The following GJA3 variants were observed in gnomAD, a reference collection of about 807,000 sequenced individuals.
GJA3 encodes the protein gap junction alpha-3 protein.
For synonymous variants in GJA3, 297 were observed against 292.6 expected, an observed-to-expected ratio of 1.02 and a Z score of -0.15; for missense variants, 571 against 620.3, an observed-to-expected ratio of 0.92 and a Z score of 0.84.
At chr13:20,152,058 A>C (rs57547952) in intron 1 of GJA3, among the ~76,000 whole-genome samples, 19,945 of 152,092 alleles carry the variant, frequency 0.13, 1,542 homozygotes, top group Admixed American at 0.22. Context: ...TGGGGAAGAA[A>C]ATGGCGATCA....
chr13:20,155,684 A>G (rs939497201), intron 1 of GJA3, among the ~76,000 whole-genome samples: 1 of 151,508 alleles, frequency 6.6e-6, no homozygotes, highest in Admixed American at 6.6e-5. Context: ...AGGTTATTTT[A>G]TTTTCTCCCT....
rs757596277 is a variant in GJA3, at chr13:20,142,086, C to G, written c.1203G>C (p.Ala401=). The G allele has an allele frequency of 6.5e-7, 1 of 1,549,268 alleles. No homozygotes were observed. Among genetic ancestry groups the G allele is most frequent in the African/African-American group, 1.4e-5 (1 of 73,140 alleles). The change falls in exon 2 of 2, where the codon GCG becomes GCC. Residue 401 remains alanine (A), a synonymous_variant. Transcript: ENST00000241125. ...GCAAGGGCGGCTGGTGCATCTGGGC[C>G]GCGGTGGTCACGGCCTGCTCCTCCT... ...PEEEEQAVTT[A]AQMHQPPLPL...
intron 1 of GJA3, among the ~76,000 whole-genome samples, chr13:20,158,912 C>CAAAAAAAA (rs1159654355): frequency 1.4e-3 from 75 of 54,930 alleles, no homozygotes; most frequent in African/African-American, 3.5e-3. Flanking sequence ...GCAAAACTCT[C>CAAAAAAAA]AAAAAAAAAA....
chr13:20,147,067 G>A (rs1007724656), intron 1 of GJA3, among the ~76,000 whole-genome samples: 11 of 152,262 alleles, frequency 7.2e-5, no homozygotes, highest in Non-Finnish European at 1.6e-4. Flanking sequence ...GCTGGGGAAT[G>A]TCTGGGAAAG....
At chr13:20,146,001 C>T (rs9509054) in intron 1 of GJA3, among the ~76,000 whole-genome samples, 39,887 of 152,094 alleles carry the variant, frequency 0.26, 5,451 homozygotes, top group Middle Eastern at 0.37. Context: ...GCTCTGAGGA[C>T]GGGGCAGGCA....
At chr13:20,146,075 T>C (rs1221327876) in intron 1 of GJA3, among the ~76,000 whole-genome samples, 1 of 152,208 alleles carries the variant, frequency 6.6e-6, no homozygotes, top group African/African-American at 2.4e-5. Context: ...TTCCAGAGGC[T>C]TCCGAGGAAA....
intron 1 of GJA3, among the ~76,000 whole-genome samples, chr13:20,149,449 C>G (rs567732517): frequency 2.0e-5 from 3 of 151,940 alleles, no homozygotes; most frequent in East Asian, 3.9e-4. Flanking sequence ...TGTGCCACTG[C>G]GTTCCAGTCT....
At chr13:20,145,722 C>T (rs1958838023) in intron 1 of GJA3, among the ~76,000 whole-genome samples, 1 of 152,226 alleles carries the variant, frequency 6.6e-6, no homozygotes, top group Non-Finnish European at 1.5e-5. Flanking sequence ...AGCCCCGCTC[C>T]GTCCGGCCAC....
intron 1 of GJA3, among the ~76,000 whole-genome samples, chr13:20,150,924 C>A (rs905873610): frequency 6.6e-6 from 1 of 152,222 alleles, no homozygotes; most frequent in African/African-American, 2.4e-5. Flanking sequence ...CCTCAAGTGT[C>A]CTGTCCTGGG....
intron 1 of GJA3, among the ~76,000 whole-genome samples, chr13:20,159,717 C>T (rs1208343419): frequency 6.6e-6 from 1 of 152,088 alleles, no homozygotes; most frequent in African/African-American, 2.4e-5. Context: ...AGAGTAGTAC[C>T]GTTTCGTGAA....
intron 1 of GJA3, among the ~76,000 whole-genome samples, chr13:20,150,970 C>T (rs1044000777): frequency 2.0e-5 from 3 of 152,162 alleles, no homozygotes; most frequent in African/African-American, 4.8e-5. Context: ...GTAGTGCCAT[C>T]GGCTTCCATC....
chr13:20,151,333 C>T (rs895945639), intron 1 of GJA3, among the ~76,000 whole-genome samples: 2 of 152,170 alleles, frequency 1.3e-5, no homozygotes, highest in African/African-American at 2.4e-5. Context: ...TGCCCCCCAA[C>T]CCCACAACCC....
chr13:20,153,692 T>G (rs1017963255), intron 1 of GJA3, among the ~76,000 whole-genome samples: 1 of 151,894 alleles, frequency 6.6e-6, no homozygotes, highest in Admixed American at 6.6e-5. Context: ...AAATGACAAG[T>G]TAACAGGTGC....
At chr13:20,161,166 C>A, upstream of GJA3, 1 of 153,330 alleles carries the variant, frequency 6.5e-6, no homozygotes, top group South Asian at 2.0e-4. Context: ...CCCCCGCATC[C>A]CTACCCTGTA....
Position 20,142,474 on chromosome 13 carries a change from T to C in GJA3, c.815A>G (p.Tyr272Cys), listed in dbSNP as rs1401479635. ...PAVAIGFPPY[Y>C]AHTAAPLGQA... is the part of the protein sequence containing the mutation. ...TCCCAGGGGCGCAGCGGTGTGCGCA[T>C]AGTAGGGTGGGAACCCGATGGCAAC... The change falls in exon 2 of 2, where the codon TAT (tyrosine) becomes TGT (cysteine). Residue 272 changes from tyrosine (Y) to cysteine (C), a missense_variant. Transcript: ENST00000241125. The C allele has an allele frequency of 3.9e-6, 6 of 1,545,682 alleles. No homozygotes were observed. The highest frequency in any genetic ancestry group is 4.4e-6 in the Non-Finnish European group (5 of 1,146,294).
At chr13:20,156,770 A>T (rs1482729359) in intron 1 of GJA3, among the ~76,000 whole-genome samples, 1 of 152,246 alleles carries the variant, frequency 6.6e-6, no homozygotes, top group Non-Finnish European at 1.5e-5. Flanking sequence ...TCCCTCTAGA[A>T]ATCAGCACTA....
Position 20,138,787 on chromosome 13 carries a change from A to T in GJA3, c.*3194T>A, listed in dbSNP as rs1175842990. The T allele has an allele frequency of 6.6e-6, 1 of 152,228 alleles. No homozygotes were observed. Among genetic ancestry groups the T allele is most frequent in the Non-Finnish European group, 1.5e-5 (1 of 68,046 alleles). The allele number at this position is 152,228 out of a possible 1,614,324, so 9.4% of individuals were successfully genotyped here. A position where few individuals can be genotyped will look rare whatever the true frequency, so the allele number is the denominator to read the frequency against. On this transcript the variant is annotated 3_prime_UTR_variant, in exon 2 of 2. Coordinates refer to ENST00000241125, the MANE Select transcript of GJA3 (RefSeq NM_021954.4). Reference sequence around the variant, plus strand: ...TTCATGAATTAGTGTTACAAATATCAGAAGTTCAAAAAATTCAGAAAAAAG... The same window carrying T: ...TTCATGAATTAGTGTTACAAATATCTGAAGTTCAAAAAATTCAGAAAAAAG...
intron 1 of GJA3, among the ~76,000 whole-genome samples, chr13:20,148,898 A>G (rs1307443412): frequency 1.3e-5 from 2 of 152,244 alleles, no homozygotes; most frequent in African/African-American, 4.8e-5. Context: ...TGTGGGGGTT[A>G]CACAGCACTG....
rs1474852751 is a variant in GJA3 at position 20,142,130 on chromosome 13, G to A, written c.1159C>T (p.Leu387=). The change falls in exon 2 of 2, where the codon CTG becomes TTG. Residue 387 remains leucine (L), a synonymous_variant. Coordinates refer to ENST00000241125, the MANE Select transcript of GJA3 (RefSeq NM_021954.4). The part of the protein sequence containing the change: ...GSGSSLEGSA[L]AGTPEEEEQA... ...TCCTCCTCCTCGGGGGTCCCTGCCA[G>A]GGCGCTCCCCTCCAGACTGCTGCCG... 3 of 1,543,074 alleles carry A rather than the reference G, an allele frequency of 1.9e-6. No individual in the cohort carries two copies. Among genetic ancestry groups the A allele is most frequent in the East Asian group, 4.9e-5 (2 of 40,772 alleles).
Sources: gnomAD v4.1 joint callset for allele counts (sites outside exome capture counted in the v4.1 genomes callset) on GRCh38, gnomAD v4.1.1 for gene constraint, MANE v1.5 for transcripts, NCBI Gene and HGNC (gene_info 2026-07-23, HGNC 2026-07-21) for gene names.